Variants in EPHA5 observed in about 807,000 individuals in gnomAD.
EPHA5 encodes the protein ephrin type-A receptor 5.
Under a neutral mutation model 105.0 loss-of-function variants are expected in EPHA5, and 60 were observed. The ratio of observed to expected loss-of-function variants is 0.57; its 90% CI spans 0.46 to 0.71. The LOEUF is 0.71. Among genes scored for constraint, EPHA5 ranks in the 30% least tolerant of loss-of-function variants. The pLI, the probability that EPHA5 is intolerant of heterozygous loss-of-function variation, is 0.00. For synonymous variants in EPHA5, 513 were observed against 449.1 expected, an observed-to-expected ratio of 1.14 and a Z score of -1.80; for missense variants, 1,218 against 1,274.7, an observed-to-expected ratio of 0.96 and a Z score of 0.68.
intron 3 of EPHA5, among the ~76,000 whole-genome samples, chr4:65,563,418 A>G (rs572280760): frequency 2.0e-5 from 3 of 152,222 alleles, no homozygotes; most frequent in African/African-American, 7.2e-5. Flanking sequence ...CACAGCACAC[A>G]AGTAGCTTCT....
intron 3 of EPHA5, among the ~76,000 whole-genome samples, chr4:65,503,831 C>T (rs1263174919): frequency 6.6e-6 from 1 of 150,816 alleles, no homozygotes; most frequent in African/African-American, 2.4e-5. Context: ...ACACTAATTG[C>T]TTAATGGTGT....
intron 2 of EPHA5, among the ~76,000 whole-genome samples, chr4:65,642,057 T>C (rs2149512556): frequency 6.6e-6 from 1 of 152,170 alleles, no homozygotes; most frequent in African/African-American, 2.4e-5. Context: ...TTTAATAATG[T>C]CTGAGTGGAA....
In EPHA5 at chr4:65,522,146, C is replaced by G. The variant is rs149233739; in HGVS notation, c.911-26603G>C. ...TTGGAAAGTCTAAGGTCTGTCCTGTCATGGCCTGTATGTATTTTGTATCTT... is the reference window on the plus strand; with the variant it reads ...TTGGAAAGTCTAAGGTCTGTCCTGTGATGGCCTGTATGTATTTTGTATCTT... On this transcript the variant is annotated intron_variant, in intron 3 of 16. Transcript: ENST00000613740. Among the ~76,000 whole-genome samples the G allele has an allele frequency of 4.9e-4, 75 of 151,896 alleles. 1 individual carries two copies. The East Asian group carries it at 0.014, about 28-fold the overall frequency.
At chr4:65,547,120 G>T (rs1737451124) in intron 3 of EPHA5, among the ~76,000 whole-genome samples, 1 of 151,950 alleles carries the variant, frequency 6.6e-6, no homozygotes. Context: ...GAGAAAGAAG[G>T]AAAGAAAGAG....
intron 2 of EPHA5, among the ~76,000 whole-genome samples, chr4:65,605,598 G>A (rs1744150120): frequency 6.6e-6 from 1 of 152,022 alleles, no homozygotes; most frequent in Non-Finnish European, 1.5e-5. Flanking sequence ...AAGTTATTAG[G>A]GGTGCCCATT....
chr4:65,333,621 T>TG (rs1720895688), intron 15 of EPHA5, among the ~76,000 whole-genome samples: 1 of 148,616 alleles, frequency 6.7e-6, no homozygotes, highest in East Asian at 2.0e-4. Flanking sequence ...GTCTTTTTTT[T>TG]TTTTTTTTTT....
intron 3 of EPHA5, among the ~76,000 whole-genome samples, chr4:65,525,935 C>G (rs1051894650): frequency 1.3e-5 from 2 of 151,504 alleles, no homozygotes; most frequent in African/African-American, 2.4e-5. Flanking sequence ...AAGAGATGAA[C>G]ATTTCCTTTA....
intron 5 of EPHA5, among the ~76,000 whole-genome samples, chr4:65,446,626 A>G (rs759821932): frequency 1.3e-5 from 2 of 152,138 alleles, no homozygotes; most frequent in Non-Finnish European, 2.9e-5. Flanking sequence ...ATTATAACTT[A>G]AGATATGAAT....
chr4:65,539,111 G>T (rs207464788), intron 3 of EPHA5, among the ~76,000 whole-genome samples: 1 of 151,574 alleles, frequency 6.6e-6, no homozygotes, highest in Non-Finnish European at 1.5e-5. Flanking sequence ...AATGCTAGGA[G>T]ATTTAAAATA....
chr4:65,576,927 T>TATCA (rs774348296), intron 3 of EPHA5, among the ~76,000 whole-genome samples: 1 of 152,112 alleles, frequency 6.6e-6, no homozygotes, highest in Non-Finnish European at 1.5e-5. Flanking sequence ...TTTCCATGTC[T>TATCA]ATCAGTTTGA....
At chr4:65,371,280 A>G (rs1474158962) in intron 8 of EPHA5, among the ~76,000 whole-genome samples, 1 of 152,078 alleles carries the variant, frequency 6.6e-6, no homozygotes, top group Non-Finnish European at 1.5e-5. Flanking sequence ...AGAGATGGGC[A>G]GGAGAAATTA....
At chr4:65,515,403 T>C (rs1734012603) in intron 3 of EPHA5, among the ~76,000 whole-genome samples, 1 of 152,172 alleles carries the variant, frequency 6.6e-6, no homozygotes, top group East Asian at 1.9e-4. Context: ...ATTTTAACTC[T>C]GGTTGTATTA....
rs777744371 is a variant in EPHA5 at position 65,420,392 on chromosome 4, A to C, written c.1527+49T>G. 3.3e-6 allele frequency: 5 copies of C among 1,515,864 alleles called. No homozygotes were observed. In the Admixed American group the frequency reaches 9.1e-5, roughly 28 times the overall value. The allele number at this position is 1,515,864 out of a possible 1,614,324, so 93.9% of individuals were successfully genotyped here. A position where few individuals can be genotyped will look rare whatever the true frequency, so the allele number is the denominator to read the frequency against. On this transcript the variant is annotated intron_variant, in intron 6 of 16. Transcript: ENST00000613740. ...CAAGTTGGATAATTGTAGTTGCTAA[A>C]ATGAAAAAAAAAAGAAAGTGAGGAC...
chr4:65,621,419 A>G (rs946694032), intron 2 of EPHA5, among the ~76,000 whole-genome samples: 3 of 152,254 alleles, frequency 2.0e-5, no homozygotes, highest in Admixed American at 1.3e-4. Flanking sequence ...TGATTCTCTA[A>G]TGGTAAATAG....
chr4:65,335,087 T>C (rs948869532), intron 15 of EPHA5, among the ~76,000 whole-genome samples: 2 of 151,994 alleles, frequency 1.3e-5, no homozygotes, highest in Non-Finnish European at 2.9e-5. Context: ...AGAACTTTCA[T>C]AACTTTATTA....
At chr4:65,325,052 C>T (rs1719947648) in intron 16 of EPHA5, among the ~76,000 whole-genome samples, 1 of 151,176 alleles carries the variant, frequency 6.6e-6, no homozygotes. Context: ...ATATGTTTGG[C>T]AAATGATAAG....
Position 65,654,679 on chromosome 4 carries a change from ATATT to A in EPHA5, c.182-11256_182-11253del, listed in dbSNP as rs1454850573. Reference sequence around the variant, plus strand: ...ATATATATTTATTTATTTTTAATATATATTTATTTATACATAAATATATAAATGT... The same window carrying A: ...ATATATATTTATTTATTTTTAATATATATTTATACATAAATATATAAATGT... On this transcript the variant is annotated intron_variant, in intron 1 of 16. Transcript: ENST00000613740. 4.1e-5 allele frequency among the ~76,000 whole-genome samples: 6 copies of A among 147,498 alleles called. No homozygotes were observed. In the East Asian group the frequency reaches 5.8e-4, roughly 14 times the overall value.
At chr4:65,549,596 A>G (rs1737702307) in intron 3 of EPHA5, among the ~76,000 whole-genome samples, 1 of 152,106 alleles carries the variant, frequency 6.6e-6, no homozygotes, top group South Asian at 2.1e-4. Context: ...CATTTTTAAT[A>G]TGAAAGGGAT....
intron 5 of EPHA5, among the ~76,000 whole-genome samples, chr4:65,468,273 G>T (rs1728910588): frequency 1.3e-5 from 2 of 151,638 alleles, no homozygotes; most frequent in South Asian, 2.1e-4. Flanking sequence ...TATTGTTTTA[G>T]GTCACTGAGC....
Sources: allele counts gnomAD v4.1 joint callset (sites outside exome capture counted in the v4.1 genomes callset), GRCh38; gene constraint gnomAD v4.1.1; transcripts MANE v1.5; gene names NCBI Gene and HGNC (gene_info 2026-07-23, HGNC 2026-07-21).